The following MAP2K6 variants were observed in gnomAD, a reference collection of about 807,000 sequenced individuals.
The protein encoded by MAP2K6 is mitogen-activated protein kinase kinase 6.
Under a neutral mutation model 53.7 loss-of-function variants are expected in MAP2K6, and 16 were observed. That is an observed-to-expected ratio of 0.30 (90% CI 0.20 to 0.45). The LOEUF (loss-of-function observed/expected upper bound fraction) is 0.45. Among genes scored for constraint, MAP2K6 ranks in the 20% least tolerant of loss-of-function variants. The pLI, the probability that MAP2K6 is intolerant of heterozygous loss-of-function variation, is 1.00. For missense variants in MAP2K6, 204 were observed against 411.9 expected (o/e 0.50, Z 4.37); for synonymous variants, 132 against 143.1 (o/e 0.92, Z 0.55).
At chr17:69,418,876 C>CAA (rs11412079) in intron 1 of MAP2K6, among the ~76,000 whole-genome samples, 96 of 149,008 alleles carry the variant, frequency 6.4e-4, no homozygotes, top group African/African-American at 1.4e-3. Flanking sequence ...TTTATTATTG[C>CAA]AAAAAAAAAA....
Position 69,526,671 on chromosome 17 carries a change from C to G in MAP2K6, c.843C>G (p.Asp281Glu), listed in dbSNP as rs1303243625. Residue 281 changes from aspartate to glutamate, a missense_variant, in exon 10 of 12, where the codon GAC becomes GAG. This residue lies in a region of MAP2K6 where 47 missense variants were observed against 62.3 expected (regional missense o/e 0.75). Coordinates refer to ENST00000590474, the MANE Select transcript of MAP2K6 (RefSeq NM_002758.4). The stretch of plus-strand genomic sequence containing the variant: ...AGCCATCGCCACAACTCCCAGCAGA[C>G]AAGTTCTCTGCAGAGTTTGTTGACT... Reference protein sequence around the residue: ...VEEPSPQLPADKFSAEFVDFT... With the variant: ...VEEPSPQLPAEKFSAEFVDFT... The G allele has an allele frequency of 6.2e-7, 1 of 1,613,930 alleles. No homozygotes were observed. Among genetic ancestry groups the G allele is most frequent in the African/African-American group, 1.3e-5 (1 of 74,934 alleles).
intron 1 of MAP2K6, among the ~76,000 whole-genome samples, chr17:69,503,275 T>C (rs1909265313): frequency 6.6e-6 from 1 of 152,248 alleles, no homozygotes; most frequent in African/African-American, 2.4e-5. Flanking sequence ...TAACATTCCC[T>C]GTCTGTTTGG....
intron 1 of MAP2K6, among the ~76,000 whole-genome samples, chr17:69,459,128 C>G (rs1409473048): frequency 6.6e-6 from 1 of 152,154 alleles, no homozygotes; most frequent in Non-Finnish European, 1.5e-5. Flanking sequence ...AGTTTTTATA[C>G]TTAAAAACGT....
chr17:69,425,339 G>A (rs971155852), intron 1 of MAP2K6, among the ~76,000 whole-genome samples: 1 of 151,364 alleles, frequency 6.6e-6, no homozygotes, highest in African/African-American at 2.4e-5. Context: ...CTGAGATGGC[G>A]TATAGCTCTG....
chr17:69,524,229 GA>G (rs1297064725), intron 8 of MAP2K6, among the ~76,000 whole-genome samples: 1 of 151,892 alleles, frequency 6.6e-6, no homozygotes, highest in Non-Finnish European at 1.5e-5. Context: ...TACGTTATTT[GA>G]AAAAATATAT....
chr17:69,495,511 C>T (rs922585036), intron 1 of MAP2K6, among the ~76,000 whole-genome samples: 5 of 152,196 alleles, frequency 3.3e-5, no homozygotes, highest in East Asian at 3.9e-4. Flanking sequence ...GCTGGAATTA[C>T]AGGCTTGAGC....
chr17:69,417,388 T>C (rs1905939040), intron 1 of MAP2K6, among the ~76,000 whole-genome samples: 1 of 152,166 alleles, frequency 6.6e-6, no homozygotes, highest in Admixed American at 6.6e-5. Context: ...ATCACTATAA[T>C]TCGGTTTAAC....
At chr17:69,434,180 A>G (rs1039869388) in intron 1 of MAP2K6, 3 of 152,182 alleles carry the variant, frequency 2.0e-5, no homozygotes, top group Non-Finnish European at 2.9e-5. Flanking sequence ...GAGAGTTTGC[A>G]TGGGTTGATT....
chr17:69,430,988 C>T (rs576085717), intron 1 of MAP2K6, among the ~76,000 whole-genome samples: 24 of 152,284 alleles, frequency 1.6e-4, no homozygotes, highest in African/African-American at 5.3e-4. Flanking sequence ...GGACAATTTT[C>T]GTACCCTTTG....
intron 1 of MAP2K6, among the ~76,000 whole-genome samples, chr17:69,427,690 C>A (rs1209416739): frequency 6.6e-6 from 1 of 152,128 alleles, no homozygotes; most frequent in Non-Finnish European, 1.5e-5. Flanking sequence ...GCAGTTTTGG[C>A]CTCACTTTGC....
intron 7 of MAP2K6, among the ~76,000 whole-genome samples, chr17:69,522,661 T>C (rs977752893): frequency 6.6e-6 from 1 of 152,172 alleles, no homozygotes; most frequent in Non-Finnish European, 1.5e-5. Context: ...TCTGTAATAC[T>C]GCTTCTTCAG....
At chr17:69,463,105 G>T (rs563024739) in intron 1 of MAP2K6, among the ~76,000 whole-genome samples, 11 of 151,822 alleles carry the variant, frequency 7.2e-5, no homozygotes, top group Non-Finnish European at 1.5e-4. Context: ...ACCAGCCACC[G>T]GGACACCTCC....
chr17:69,490,869 C>G lies in MAP2K6; in HGVS notation c.17-14911C>G, dbSNP rs139970240. Among the ~76,000 whole-genome samples the G allele has an allele frequency of 2.2e-4, 33 of 152,252 alleles. No individual in the cohort carries two copies. In the East Asian group the frequency reaches 6.2e-3, roughly 28 times the overall value. On this transcript the variant is annotated intron_variant, in intron 1 of 11. Coordinates refer to ENST00000590474, the MANE Select transcript of MAP2K6 (RefSeq NM_002758.4). ...ATTTTTCCTGATCCTCTCCCTCCCC[C>G]TCCTTCCACCCTCTGATAGGCCCCA...
At chr17:69,481,193 C>CTGT (rs1908340653) in intron 1 of MAP2K6, among the ~76,000 whole-genome samples, 1 of 152,114 alleles carries the variant, frequency 6.6e-6, no homozygotes, top group Admixed American at 6.5e-5. Context: ...TACTTTCTGT[C>CTGT]TGTATGAATT....
At position 69,553,636 on chromosome 17, in the gene MAP2K6, A is replaced by G. The variant is rs767980949; in HGVS notation, c.*11883A>G. On this transcript the variant is annotated 3_prime_UTR_variant, in exon 12 of 12. Coordinates refer to ENST00000590474, the MANE Select transcript of MAP2K6 (RefSeq NM_002758.4). Reference sequence around the variant, plus strand: ...CTTCACACCGTGTGTGTTGTGTTCAATGTTGTGTCAATCTACAAACTGACT... The same window carrying G: ...CTTCACACCGTGTGTGTTGTGTTCAGTGTTGTGTCAATCTACAAACTGACT... 9.9e-5 allele frequency: 15 copies of G among 152,232 alleles called. No individual in the cohort carries two copies. Among genetic ancestry groups the G allele is most frequent in the African/African-American group, 2.7e-4 (11 of 41,464 alleles). The allele number at this position is 152,232 out of a possible 1,614,324, so 9.4% of individuals were successfully genotyped here.
intron 4 of MAP2K6, among the ~76,000 whole-genome samples, chr17:69,518,072 C>T (rs923488134): frequency 4.6e-5 from 7 of 152,124 alleles, no homozygotes; most frequent in South Asian, 2.1e-4. Flanking sequence ...CACCTGTAGT[C>T]GCAGCTACTT....
At chr17:69,453,923 G>A (rs1457368858) in intron 1 of MAP2K6, among the ~76,000 whole-genome samples, 1 of 152,184 alleles carries the variant, frequency 6.6e-6, no homozygotes, top group Admixed American at 6.5e-5. Context: ...CCAAGGCTGA[G>A]AATCACGTCC....
chr17:69,438,813 C>T (rs771276674), intron 1 of MAP2K6, among the ~76,000 whole-genome samples: 2 of 152,084 alleles, frequency 1.3e-5, no homozygotes, highest in African/African-American at 2.4e-5. Flanking sequence ...TTGAACTCCT[C>T]GGCTCAAGAG....
At chr17:69,471,415 T>C (rs1488854330) in intron 1 of MAP2K6, among the ~76,000 whole-genome samples, 1 of 152,106 alleles carries the variant, frequency 6.6e-6, no homozygotes, top group Non-Finnish European at 1.5e-5. Flanking sequence ...GTGAAGTAAC[T>C]CAGGGACAGA....
Sources: gnomAD v4.1 joint callset for allele counts (sites outside exome capture counted in the v4.1 genomes callset) on GRCh38, gnomAD v4.1.1 for gene constraint, gnomAD v4.1.1 regional missense constraint, MANE v1.5 for transcripts, NCBI Gene and HGNC (gene_info 2026-07-23, HGNC 2026-07-21) for gene names.